Variants in CAMKMT observed in about 807,000 individuals in gnomAD.
The protein encoded by CAMKMT is CaM KMT.
A neutral mutation model predicts 48.0 loss-of-function variants in CAMKMT; 53 were observed. That is an observed-to-expected ratio of 1.10 (90% CI 0.89 to 1.39). The LOEUF (loss-of-function observed/expected upper bound fraction) is 1.39, where lower values mean the gene tolerates loss of function less well. CAMKMT is among the 40% of genes most tolerant of loss of function. The pLI is 0.00. For synonymous variants in CAMKMT, 165 were observed against 152.3 expected (o/e 1.08, Z -0.61); for missense variants, 428 against 402.7 (o/e 1.06, Z -0.54).
intron 3 of CAMKMT, among the ~76,000 whole-genome samples, chr2:44,428,958 G>T (rs762553764): frequency 3.3e-5 from 5 of 152,134 alleles, no homozygotes; most frequent in Non-Finnish European, 7.4e-5. Flanking sequence ...GCCTTTTCCT[G>T]CCATTTCTCC....
At chr2:44,696,218 C>T (rs1434909065) in intron 3 of CAMKMT, among the ~76,000 whole-genome samples, 1 of 152,198 alleles carries the variant, frequency 6.6e-6, no homozygotes, top group Non-Finnish European at 1.5e-5. Flanking sequence ...GCTGGGATTA[C>T]AGGCGTGAGC....
chr2:44,477,031 T>C (rs1444728970), intron 3 of CAMKMT, among the ~76,000 whole-genome samples: 1 of 152,176 alleles, frequency 6.6e-6, no homozygotes, highest in Admixed American at 6.5e-5. Context: ...ATCATTACTA[T>C]GAGGATATAG....
intron 7 of CAMKMT, among the ~76,000 whole-genome samples, chr2:44,737,311 C>G (rs1473981735): frequency 6.6e-6 from 1 of 152,084 alleles, no homozygotes; most frequent in Non-Finnish European, 1.5e-5. Flanking sequence ...GAGATGGGAT[C>G]TTGCCATGTT....
chr2:44,669,209 G>T lies in CAMKMT; in HGVS notation c.377-35074G>T, dbSNP rs4953129. Among the ~76,000 whole-genome samples, 3 of 152,100 alleles carry T rather than the reference G, an allele frequency of 2.0e-5. No homozygotes were observed. The East Asian group carries it at 5.8e-4, about 29-fold the overall frequency. On this transcript the variant is annotated intron_variant, in intron 3 of 10. Coordinates refer to ENST00000378494, the MANE Select transcript of CAMKMT (RefSeq NM_024766.5). ...ATGGAATCTTATTATATATTCTTCT[G>T]TGAATTGCTTATGTTGCTCACCTTT... is the stretch of plus-strand genomic sequence containing the variant.
intron 3 of CAMKMT, among the ~76,000 whole-genome samples, chr2:44,605,043 A>G (rs972549544): frequency 6.6e-6 from 1 of 152,140 alleles, no homozygotes; most frequent in Non-Finnish European, 1.5e-5. Flanking sequence ...AGGCCCTCAT[A>G]TACTTTTTCT....
intron 3 of CAMKMT, among the ~76,000 whole-genome samples, chr2:44,647,505 C>T (rs1673800128): frequency 6.6e-6 from 1 of 152,096 alleles, no homozygotes; most frequent in South Asian, 2.1e-4. Context: ...AGAGACCAAG[C>T]AGTGAAGTTT....
At chr2:44,463,820 A>AT (rs1346300687) in intron 3 of CAMKMT, among the ~76,000 whole-genome samples, 1 of 152,206 alleles carries the variant, frequency 6.6e-6, no homozygotes, top group African/African-American at 2.4e-5. Context: ...AGGCTGTCAG[A>AT]TTCTCTGGCT....
At chr2:44,498,989 G>A (rs979200349) in intron 3 of CAMKMT, among the ~76,000 whole-genome samples, 1 of 152,136 alleles carries the variant, frequency 6.6e-6, no homozygotes, top group African/African-American at 2.4e-5. Flanking sequence ...TGTGAGCACT[G>A]TGTTTATGAG....
chr2:44,546,201 A>ACACG (rs1667393657), intron 3 of CAMKMT, among the ~76,000 whole-genome samples: 1 of 149,494 alleles, frequency 6.7e-6, no homozygotes, highest in Non-Finnish European at 1.5e-5. Context: ...ACACACACAC[A>ACACG]CATACATGCA....
rs377248386 is a variant in CAMKMT, at chr2:44,421,558, A to G, written c.376+31253A>G. Among the ~76,000 whole-genome samples, 557 of 152,310 alleles carry G rather than the reference A, an allele frequency of 3.7e-3. 3 individuals are homozygous for G. Among genetic ancestry groups the G allele is most frequent in the African/African-American group, 0.013 (535 of 41,588 alleles). The stretch of plus-strand genomic sequence containing the variant: ...ACAAAATGAAGAAAATAATTGAAAC[A>G]TAGATCAAGGATGTTAAAGATGGGT... On this transcript the variant is annotated intron_variant, in intron 3 of 10. Coordinates refer to ENST00000378494, the MANE Select transcript of CAMKMT (RefSeq NM_024766.5).
intron 3 of CAMKMT, among the ~76,000 whole-genome samples, chr2:44,493,297 G>A (rs1363366916): frequency 6.6e-6 from 1 of 152,092 alleles, no homozygotes; most frequent in East Asian, 1.9e-4. Flanking sequence ...ACCTGTGCCA[G>A]GTACCTGAGG....
chr2:44,706,682 T>A (rs999260461), intron 5 of CAMKMT, among the ~76,000 whole-genome samples: 9 of 151,794 alleles, frequency 5.9e-5, no homozygotes, highest in Non-Finnish European at 1.3e-4. Context: ...GAATCACAGT[T>A]GGAGCACCAT....
At chr2:44,563,959 C>T (rs531248868) in intron 3 of CAMKMT, among the ~76,000 whole-genome samples, 6 of 152,112 alleles carry the variant, frequency 3.9e-5, no homozygotes, top group South Asian at 2.1e-4. Flanking sequence ...TCTTTATAGC[C>T]GCATGATTTA....
intron 2 of CAMKMT, among the ~76,000 whole-genome samples, chr2:44,374,562 G>T (rs1257202716): frequency 1.3e-5 from 2 of 152,282 alleles, no homozygotes; most frequent in East Asian, 3.9e-4. Context: ...CCCTGGTAAG[G>T]GTTAGCCAGT....
chr2:44,629,865 T>C (rs1447556519), intron 3 of CAMKMT, among the ~76,000 whole-genome samples: 2 of 152,068 alleles, frequency 1.3e-5, no homozygotes, highest in Non-Finnish European at 2.9e-5. Context: ...AAGCTACCAA[T>C]GACTTTCTTC....
chr2:44,608,271 A>C (rs571001376), intron 3 of CAMKMT, among the ~76,000 whole-genome samples: 1 of 151,832 alleles, frequency 6.6e-6, no homozygotes, highest in East Asian at 1.9e-4. Flanking sequence ...ACGGGGTTTC[A>C]CCGTGTTAGC....
chr2:44,423,070 C>T (rs1684037151), intron 3 of CAMKMT, among the ~76,000 whole-genome samples: 1 of 152,148 alleles, frequency 6.6e-6, no homozygotes, highest in Non-Finnish European at 1.5e-5. Context: ...TAGAATTCCT[C>T]AAGAGGAATA....
At chr2:44,749,252 G>A (rs1441509863) in intron 8 of CAMKMT, among the ~76,000 whole-genome samples, 2 of 152,186 alleles carry the variant, frequency 1.3e-5, no homozygotes, top group Admixed American at 1.3e-4. Flanking sequence ...GCTCTCCTCA[G>A]AGGAGAAAAT....
At chr2:44,737,057 AT>A (rs1327635065) in intron 7 of CAMKMT, among the ~76,000 whole-genome samples, 1 of 152,006 alleles carries the variant, frequency 6.6e-6, no homozygotes, top group Non-Finnish European at 1.5e-5. Context: ...TATACTAGGT[AT>A]TTTGAATTTT....
Sources: gnomAD v4.1 joint callset for allele counts (sites outside exome capture counted in the v4.1 genomes callset) on GRCh38, gnomAD v4.1.1 for gene constraint, MANE v1.5 for transcripts, NCBI Gene and HGNC (gene_info 2026-07-23, HGNC 2026-07-21) for gene names.